The following ARFGEF2 variants were observed in gnomAD, a reference collection of about 807,000 sequenced individuals.
ARFGEF2 encodes the protein ARF guanine nucleotide exchange factor 2, also known as brefeldin A-inhibited guanine nucleotide-exchange protein 2.
In ARFGEF2, 74 loss-of-function variants were observed where a neutral mutation model predicts 219.9. The ratio of observed to expected loss-of-function variants is 0.34; its 90% CI spans 0.28 to 0.41. The LOEUF (loss-of-function observed/expected upper bound fraction) is 0.41. ARFGEF2 is among the 10% of genes least tolerant of loss of function. The probability of loss-of-function intolerance (pLI) is 1.00; values close to 1 mark genes in which losing one functional copy is unlikely to be tolerated. For synonymous variants in ARFGEF2, 733 were observed against 799.2 expected (o/e 0.92, Z 1.40); for missense variants, 1,743 against 2,218.3 (o/e 0.79, Z 4.30).
In ARFGEF2 at chr20:48,950,811, AATATATATATATATATATATATAT is replaced by A. The variant is rs71184245; in HGVS notation, c.277-499_277-476del. Among the ~76,000 whole-genome samples, 15 of 64,512 alleles carry A rather than the reference AATATATATATATATATATATATAT, an allele frequency of 2.3e-4. No homozygotes were observed. In the East Asian group the frequency reaches 3.4e-3, roughly 15 times the overall value. The allele number at this position is 64,512 out of a possible 152,430, so 42.3% of individuals were successfully genotyped here. On this transcript the variant is annotated intron_variant, in intron 3 of 38. Coordinates refer to ENST00000371917, the MANE Select transcript of ARFGEF2 (RefSeq NM_006420.3). ...ACCCTGTCTAAAAAAAAAAAAAAAA[AATATATATATATATATATATATAT>A]ATATATATATATGTATGTATATACA...
chr20:48,965,890 G>A lies in ARFGEF2; in HGVS notation c.926G>A (p.Gly309Asp). Residue 309 changes from glycine to aspartate, a missense_variant, in exon 8 of 39, where the codon GGT (glycine) becomes GAT (aspartate). Gly to Asp is a moderately conservative substitution (Grantham distance 94). This residue lies in a region of ARFGEF2 where 394 missense variants were observed against 426.6 expected (regional missense o/e 0.92). Transcript: ENST00000371917. ...SAIKEAAEKH[G>D]LTEPERVLGE... is the part of the protein sequence containing the mutation. The stretch of plus-strand genomic sequence containing the variant: ...TTTTAAGAAGCAGCGGAAAAGCATG[G>A]TCTGACAGAACCTGAGAGAGTTCTA... 6.2e-7 allele frequency: 1 copy of A among 1,614,202 alleles called. No individual in the cohort carries two copies. The highest frequency in any genetic ancestry group is 8.5e-7 in the Non-Finnish European group (1 of 1,180,038).
chr20:48,929,847 G>A lies in ARFGEF2; in HGVS notation c.121+7837G>A, dbSNP rs118115887. Among the ~76,000 whole-genome samples the A allele has an allele frequency of 7.4e-3, 1,128 of 152,298 alleles. 9 individuals carry two copies. The highest frequency in any genetic ancestry group is 0.02 in the Middle Eastern group (6 of 294). On this transcript the variant is annotated intron_variant, in intron 1 of 38. Transcript: ENST00000371917. The stretch of plus-strand genomic sequence containing the variant: ...GATGGAGTGGGAGTGGGAGAGGTAG[G>A]CCAAGACCCCAACATGCAAGGCCTG...
intron 1 of ARFGEF2, among the ~76,000 whole-genome samples, chr20:48,929,396 T>C (rs905103597): frequency 6.6e-6 from 1 of 152,254 alleles, no homozygotes; most frequent in South Asian, 2.1e-4. Context: ...GCCTGTTGAC[T>C]AAACCAGACC....
chr20:48,931,565 A>C (rs907493252), intron 1 of ARFGEF2, among the ~76,000 whole-genome samples: 3 of 152,228 alleles, frequency 2.0e-5, no homozygotes, highest in African/African-American at 7.2e-5. Context: ...GTAAGGAGAT[A>C]CAGGGTGACA....
intron 37 of ARFGEF2, among the ~76,000 whole-genome samples, chr20:49,030,673 A>C (rs1331784240): frequency 2.6e-5 from 4 of 152,168 alleles, no homozygotes; most frequent in African/African-American, 7.2e-5. Flanking sequence ...CCCAAAAGAC[A>C]AATACCTACA....
Position 48,988,675 on chromosome 20 carries a change from G to A in ARFGEF2, c.2533+13G>A. On this transcript the variant is annotated intron_variant, in intron 18 of 38. Coordinates refer to ENST00000371917, the MANE Select transcript of ARFGEF2 (RefSeq NM_006420.3). ...TCTACTAAGCAGAGTAAGGTCTAATGGCAAATTATTTCTTTTAGTTCTAAT... is the reference window on the plus strand; with the variant it reads ...TCTACTAAGCAGAGTAAGGTCTAATAGCAAATTATTTCTTTTAGTTCTAAT... The A allele has an allele frequency of 1.2e-6, 2 of 1,609,894 alleles. No homozygotes were observed. The highest frequency in any genetic ancestry group is 1.7e-6 in the Non-Finnish European group (2 of 1,177,936).
chr20:49,026,430 C>T (rs1189659327), intron 36 of ARFGEF2, among the ~76,000 whole-genome samples: 1 of 152,154 alleles, frequency 6.6e-6, no homozygotes, highest in Non-Finnish European at 1.5e-5. Context: ...ATTTTCCAAG[C>T]CTTATATTTA....
chr20:48,950,437 T>C (rs1032609325), intron 3 of ARFGEF2, among the ~76,000 whole-genome samples: 2 of 151,782 alleles, frequency 1.3e-5, no homozygotes, highest in Non-Finnish European at 1.5e-5. Context: ...TACATATTCA[T>C]ATATATATAT....
chr20:48,996,468 C>A (rs2123477076), intron 23 of ARFGEF2, among the ~76,000 whole-genome samples: 1 of 150,148 alleles, frequency 6.7e-6, no homozygotes, highest in East Asian at 2.0e-4. Flanking sequence ...AAAAAAAACG[C>A]CTACCCATGC....
At chr20:48,970,911 C>G (rs1032437503) in intron 9 of ARFGEF2, among the ~76,000 whole-genome samples, 1 of 152,174 alleles carries the variant, frequency 6.6e-6, no homozygotes, top group Non-Finnish European at 1.5e-5. Context: ...TGGAAAGAGA[C>G]AAATAGGAGT....
chr20:49,026,571 A>AT (rs985095420), intron 36 of ARFGEF2, among the ~76,000 whole-genome samples: 1 of 147,154 alleles, frequency 6.8e-6, no homozygotes, highest in African/African-American at 2.5e-5. Context: ...TGTATTGTTA[A>AT]TTTTTACCAT....
At position 48,968,464 on chromosome 20, in the gene ARFGEF2, G is replaced by A. The variant is rs540152401; in HGVS notation, c.1060-683G>A. On this transcript the variant is annotated intron_variant, in intron 8 of 38. Transcript: ENST00000371917. ...GTCACCCAGGCTGGAGTGCAGTGCC[G>A]CGATCTCGGCTCACTGCAACCTTTA... Among the ~76,000 whole-genome samples the A allele has an allele frequency of 8.0e-5, 12 of 150,526 alleles. No homozygotes were observed. In the East Asian group the frequency reaches 1.6e-3, roughly 20 times the overall value.
intron 23 of ARFGEF2, among the ~76,000 whole-genome samples, chr20:48,997,347 A>G (rs1170231465): frequency 6.6e-6 from 1 of 152,182 alleles, no homozygotes; most frequent in African/African-American, 2.4e-5. Context: ...ATCTTGGCTC[A>G]CTGCAACCTC....
chr20:49,032,050 G>A lies in ARFGEF2; in HGVS notation c.5065G>A (p.Val1689Ile), dbSNP rs1484074411. ...WEEIQQRLLT[V>I]CSEALAYFIT... ...CCTCCCCCTCTCTAATTCTTCTAGT[G>A]TTTGCAGTGAAGCTCTTGCCTATTT... Residue 1689 changes from valine to isoleucine, a missense_variant and splice_region_variant, in exon 38 of 39, where the codon GTT becomes ATT. Val to Ile is a conservative substitution (Grantham distance 29). This residue lies in a region of ARFGEF2 where 578 missense variants were observed against 664.0 expected (regional missense o/e 0.87). Coordinates refer to ENST00000371917, the MANE Select transcript of ARFGEF2 (RefSeq NM_006420.3). 5.0e-6 allele frequency: 8 copies of A among 1,610,538 alleles called. No homozygotes were observed. Among genetic ancestry groups the A allele is most frequent in the Non-Finnish European group, 6.8e-6 (8 of 1,176,874 alleles).
chr20:48,956,831 C>T (rs1183836827), intron 6 of ARFGEF2, among the ~76,000 whole-genome samples: 1 of 152,202 alleles, frequency 6.6e-6, no homozygotes, highest in East Asian at 1.9e-4. Flanking sequence ...CCACCCGTCT[C>T]GGCCTCCCAA....
At chr20:48,936,304 C>A (rs2090956631) in intron 1 of ARFGEF2, among the ~76,000 whole-genome samples, 1 of 146,454 alleles carries the variant, frequency 6.8e-6, no homozygotes, top group Non-Finnish European at 1.5e-5. Flanking sequence ...GGGGCTGACC[C>A]CCCCCACCTC....
intron 6 of ARFGEF2, among the ~76,000 whole-genome samples, chr20:48,962,882 A>G (rs1234191249): frequency 6.6e-6 from 1 of 152,142 alleles, no homozygotes; most frequent in Non-Finnish European, 1.5e-5. Flanking sequence ...TTTTAAGGTG[A>G]TGGCTTTTTT....
At chr20:48,976,935 C>CATTTT (rs59427522) in intron 14 of ARFGEF2, among the ~76,000 whole-genome samples, 9,874 of 146,430 alleles carry the variant, frequency 0.067, 538 homozygotes, top group African/African-American at 0.14. Context: ...TTTTTTTAGG[C>CATTTT]ATTTTATTTT....
Position 48,999,285 on chromosome 20 carries a change from C to A in ARFGEF2, c.3432+780C>A. On this transcript the variant is annotated intron_variant, in intron 25 of 38. Transcript: ENST00000371917. ...TTTTAAATCAGTAACAAGCCAAAGA[C>A]CCATCTGGGTTCTAAAACTGACAAC... The A allele has an allele frequency of 1.3e-5, 6 of 448,426 alleles. No individual in the cohort carries two copies. In the Middle Eastern group the frequency reaches 2.0e-3, roughly 148 times the overall value. The allele number at this position is 448,426 out of a possible 1,614,324, so 27.8% of individuals were successfully genotyped here.
Sources: allele counts gnomAD v4.1 joint callset (sites outside exome capture counted in the v4.1 genomes callset), GRCh38; gene constraint gnomAD v4.1.1; regional missense constraint gnomAD v4.1.1; transcripts MANE v1.5; gene names NCBI Gene and HGNC (gene_info 2026-07-23, HGNC 2026-07-21).